SUMF1: variants seen among roughly 807,000 people sequenced by gnomAD.
The protein encoded by SUMF1 is formylglycine-generating enzyme.
In SUMF1, 48 loss-of-function variants were observed where a neutral mutation model predicts 47.6. That is an observed-to-expected ratio of 1.01 (90% CI 0.80 to 1.28). SUMF1 has a LOEUF of 1.28. SUMF1 is among the 50% of genes most tolerant of loss of function. The pLI is 0.00. For missense variants in SUMF1, 571 were observed against 485.4 expected (o/e 1.18, Z -1.66); for synonymous variants, 230 against 192.1 (o/e 1.20, Z -1.63).
intron 8 of SUMF1, chr3:4,317,121 G>T (rs1309923961): frequency 6.5e-7 from 1 of 1,545,142 alleles, no homozygotes; most frequent in Non-Finnish European, 8.7e-7. Context: ...CAACCAGCAG[G>T]ATGCAGAAAA....
chr3:4,242,351 G>A (rs1415135729), intron 8 of SUMF1, among the ~76,000 whole-genome samples: 2 of 152,146 alleles, frequency 1.3e-5, no homozygotes, highest in African/African-American at 2.4e-5. Flanking sequence ...CCTCTCGTGT[G>A]CCAGTTTTCA....
chr3:4,134,059 C>T (rs1017542155), intron 8 of SUMF1, among the ~76,000 whole-genome samples: 7 of 152,142 alleles, frequency 4.6e-5, no homozygotes, highest in South Asian at 2.1e-4. Context: ...GACAGATCAA[C>T]GAGACAGAAA....
chr3:4,120,176 T>G (rs1402207893), intron 8 of SUMF1, among the ~76,000 whole-genome samples: 1 of 152,108 alleles, frequency 6.6e-6, no homozygotes, highest in Non-Finnish European at 1.5e-5. Flanking sequence ...TATTATAATT[T>G]ATTTATGTCT....
rs1698724362 is a variant in SUMF1 at position 4,317,811 on chromosome 3, A to G, written c.1014+58519T>C. ...TGGGAAGATTGAGTTAACACATGCA[A>G]AGGGGTTAGAGCAATGCCTGAGTAT... On this transcript the variant is annotated intron_variant and NMD_transcript_variant, in intron 8 of 12. Coordinates refer to the SUMF1 transcript ENST00000448413. Among the ~76,000 whole-genome samples, 4 of 152,176 alleles carry G rather than the reference A, an allele frequency of 2.6e-5. No homozygotes were observed. In the South Asian group the frequency reaches 8.3e-4, roughly 32 times the overall value.
chr3:4,134,372 G>A (rs1363935034), intron 8 of SUMF1, among the ~76,000 whole-genome samples: 2 of 151,980 alleles, frequency 1.3e-5, no homozygotes, highest in Admixed American at 1.3e-4. Flanking sequence ...ATGACTACTG[G>A]GTACATAACA....
At chr3:4,068,283 T>C (rs1177102994) in intron 9 of SUMF1, among the ~76,000 whole-genome samples, 2 of 140,138 alleles carry the variant, frequency 1.4e-5, no homozygotes, top group African/African-American at 5.0e-5. Flanking sequence ...AAAGATGGCT[T>C]CACCCCCAAT....
chr3:4,147,128 C>T (rs1371773534), intron 8 of SUMF1, among the ~76,000 whole-genome samples: 2 of 152,066 alleles, frequency 1.3e-5, no homozygotes, highest in African/African-American at 2.4e-5. Context: ...CCATCTCACA[C>T]CAGTTAGAAT....
At chr3:4,099,264 G>A (rs1213503156) in intron 8 of SUMF1, among the ~76,000 whole-genome samples, 1 of 152,074 alleles carries the variant, frequency 6.6e-6, no homozygotes, top group Non-Finnish European at 1.5e-5. Context: ...GTGGTGGAAT[G>A]ATGAAGTGAG....
intron 8 of SUMF1, among the ~76,000 whole-genome samples, chr3:4,288,972 G>T (rs1238600853): frequency 6.6e-6 from 1 of 152,184 alleles, no homozygotes; most frequent in African/African-American, 2.4e-5. Context: ...CCACAGTGGT[G>T]TTGTTCTTTC....
At chr3:4,036,161 C>G (rs1694792084) in intron 9 of SUMF1, among the ~76,000 whole-genome samples, 1 of 152,046 alleles carries the variant, frequency 6.6e-6, no homozygotes, top group African/African-American at 2.4e-5. Context: ...AACATTTATC[C>G]CAGTGCCTAT....
intron 9 of SUMF1, among the ~76,000 whole-genome samples, chr3:4,064,330 C>G (rs112747403): frequency 8.1e-6 from 1 of 122,962 alleles, no homozygotes; most frequent in Admixed American, 8.5e-5. Flanking sequence ...TAAAAAACAC[C>G]CTCCCCAGTG....
intron 8 of SUMF1, among the ~76,000 whole-genome samples, chr3:4,310,763 A>C (rs1162655591): frequency 6.6e-6 from 1 of 152,186 alleles, no homozygotes; most frequent in Non-Finnish European, 1.5e-5. Context: ...TTTTAAAAGA[A>C]GTTATCCATG....
intron 3 of SUMF1, among the ~76,000 whole-genome samples, chr3:4,421,502 C>T (rs966192515): frequency 7.2e-5 from 11 of 152,076 alleles, no homozygotes; most frequent in African/African-American, 2.4e-4. Flanking sequence ...CTTTTTGAGA[C>T]AGGGTCTCAC....
intron 7 of SUMF1, among the ~76,000 whole-genome samples, chr3:4,391,050 GGTTT>G (rs1223031844): frequency 6.6e-6 from 1 of 152,140 alleles, no homozygotes; most frequent in Admixed American, 6.5e-5. Context: ...TTAGTTGACA[GGTTT>G]GTTTGTTTTC....
intron 8 of SUMF1, among the ~76,000 whole-genome samples, chr3:4,246,938 G>A (rs1208588784): frequency 6.6e-6 from 1 of 152,172 alleles, no homozygotes; most frequent in Admixed American, 6.5e-5. Context: ...TTTTGGGTAT[G>A]TTTAGCCAGT....
intron 8 of SUMF1, among the ~76,000 whole-genome samples, chr3:4,238,246 G>C (rs1485619555): frequency 6.6e-6 from 1 of 152,112 alleles, no homozygotes; most frequent in African/African-American, 2.4e-5. Context: ...ACATACGTGT[G>C]CATGTGTCTT....
chr3:4,093,987 C>T (rs111342743), intron 8 of SUMF1, among the ~76,000 whole-genome samples: 3,748 of 152,112 alleles, frequency 0.025, 101 homozygotes, highest in Middle Eastern at 0.044. Context: ...AAATAAGGTA[C>T]ATTCAAGAAT....
intron 8 of SUMF1, among the ~76,000 whole-genome samples, chr3:4,298,600 G>T (rs1258666080): frequency 3.9e-5 from 6 of 152,116 alleles, no homozygotes; most frequent in African/African-American, 1.2e-4. Flanking sequence ...ATAGGAGTGT[G>T]GTTCTCCTCA....
chr3:4,379,033 T>C (rs548303441), intron 7 of SUMF1, among the ~76,000 whole-genome samples: 1 of 152,336 alleles, frequency 6.6e-6, no homozygotes, highest in Admixed American at 6.5e-5. Flanking sequence ...CTGACACAAC[T>C]GTGGCACCTA....
Sources: gnomAD v4.1 joint callset for allele counts (sites outside exome capture counted in the v4.1 genomes callset) on GRCh38, gnomAD v4.1.1 for gene constraint, MANE v1.5 for transcripts, NCBI Gene and HGNC (gene_info 2026-07-23, HGNC 2026-07-21) for gene names.